UGT1A8: variants seen among roughly 807,000 people sequenced by gnomAD.
UGT1A8 encodes UDP glucuronosyltransferase family 1 member A8, also known as UDP-glucuronosyltransferase 1A8.
A neutral mutation model predicts 45.3 loss-of-function variants in UGT1A8; 39 were observed. The observed-to-expected ratio is 0.86, with a 90% CI of 0.67 to 1.12. UGT1A8 has a LOEUF of 1.12. Among genes scored for constraint, UGT1A8 ranks in the 50% most tolerant of loss-of-function variants. UGT1A8 has a pLI of 0.00. For missense variants in UGT1A8, 719 were observed against 664.9 expected, an observed-to-expected ratio of 1.08 and a Z score of -0.90; for synonymous variants, 275 against 249.2, an observed-to-expected ratio of 1.10 and a Z score of -0.97.
Position 233,713,840 on chromosome 2 carries a change from C to T in UGT1A8, c.856-53194C>T, listed in dbSNP as rs149208140. The T allele has an allele frequency of 4.2e-3, 6,793 of 1,614,012 alleles. 23 individuals carry two copies. Among genetic ancestry groups the T allele is most frequent in the Non-Finnish European group, 5.2e-3 (6,094 of 1,179,958 alleles). On this transcript the variant is annotated intron_variant, in intron 1 of 4. Transcript: ENST00000373450. ...TCATTGGGGGCATCAACTGTGCCAA[C>T]GGGAAGCCACTATCTCAGGTCTGTA...
intron 1 of UGT1A8, among the ~76,000 whole-genome samples, chr2:233,695,274 T>A (rs1346738966): frequency 6.6e-6 from 1 of 152,090 alleles, no homozygotes; most frequent in South Asian, 2.1e-4. Flanking sequence ...TATAGGCATG[T>A]GCCACCATTC....
At chr2:233,715,879 C>T (rs1410006129) in intron 1 of UGT1A8, among the ~76,000 whole-genome samples, 3 of 152,094 alleles carry the variant, frequency 2.0e-5, no homozygotes, top group African/African-American at 7.2e-5. Context: ...GTGCCTGTGG[C>T]CCCAGCTACT....
chr2:233,709,929 A>G (rs1249003261), intron 1 of UGT1A8, among the ~76,000 whole-genome samples: 1 of 152,134 alleles, frequency 6.6e-6, no homozygotes, highest in Non-Finnish European at 1.5e-5. Context: ...ACCTTAGGCA[A>G]CCCTGGATGG....
rs566107268 is a variant in UGT1A8, at chr2:233,719,129, AG to A, written c.856-47904del. 2.1e-4 allele frequency: 332 copies of A among 1,614,276 alleles called. No individual in the cohort carries two copies. The Middle Eastern group carries it at 2.1e-3, about 10-fold the overall frequency. On this transcript the variant is annotated intron_variant, in intron 1 of 4. Coordinates refer to ENST00000373450, the MANE Select transcript of UGT1A8 (RefSeq NM_019076.5). ...GCTACACTCAAGGGTTCTTTGAAAC[AG>A]AACATCTTCTGAAGAGATATTCTAG... is the stretch of plus-strand genomic sequence containing the variant.
At chr2:233,721,723 T>A (rs570482911) in intron 1 of UGT1A8, 28 of 397,856 alleles carry the variant, frequency 7.0e-5, no homozygotes, top group Non-Finnish European at 1.0e-5. Flanking sequence ...TTTGTTTACT[T>A]GGATAAGCTT....
chr2:233,742,230 A>T (rs1158826164), intron 1 of UGT1A8, among the ~76,000 whole-genome samples: 2 of 151,434 alleles, frequency 1.3e-5, no homozygotes, highest in African/African-American at 2.4e-5. Flanking sequence ...GAGAGCCCCA[A>T]ACAGAGATTT....
intron 1 of UGT1A8, among the ~76,000 whole-genome samples, chr2:233,640,830 T>C (rs760029190): frequency 3.3e-5 from 5 of 152,056 alleles, no homozygotes; most frequent in Non-Finnish European, 7.4e-5. Context: ...ATGCCAAAGA[T>C]TTGTCATTGT....
rs553715691 is a variant in UGT1A8, at chr2:233,649,024, A to G, written c.855+30462A>G. The G allele has an allele frequency of 2.7e-5, 34 of 1,257,040 alleles. 1 individual carries two copies. In the Admixed American group the frequency reaches 3.1e-4, roughly 11 times the overall value. 77.9% of individuals were successfully genotyped at this position (1,257,040 alleles called of 1,614,324 possible). A position where few individuals can be genotyped will look rare whatever the true frequency, so the allele number is the denominator to read the frequency against. ...CTGCAATCAGGGAAAGCCAGTGCCT[A>G]TGGTAAGTCATTGCTCCTTTAGCAC... On this transcript the variant is annotated intron_variant, in intron 1 of 4. Transcript: ENST00000373450.
chr2:233,676,702 C>T (rs748281452), intron 1 of UGT1A8, among the ~76,000 whole-genome samples: 2 of 152,142 alleles, frequency 1.3e-5, no homozygotes, highest in African/African-American at 2.4e-5. Flanking sequence ...GAATGTTCCT[C>T]TAGAATGTCA....
At chr2:233,710,968 G>A (rs1190110979) in intron 1 of UGT1A8, among the ~76,000 whole-genome samples, 1 of 152,154 alleles carries the variant, frequency 6.6e-6, no homozygotes, top group African/African-American at 2.4e-5. Flanking sequence ...TTGGCAGAGG[G>A]GAATATACAA....
At chr2:233,748,875 A>T (rs1329303581) in intron 1 of UGT1A8, among the ~76,000 whole-genome samples, 1 of 151,636 alleles carries the variant, frequency 6.6e-6, no homozygotes, top group Non-Finnish European at 1.5e-5. Flanking sequence ...GGGGACGGTG[A>T]TGAATGGACA....
chr2:233,712,254 C>T (rs1465603390), intron 1 of UGT1A8, among the ~76,000 whole-genome samples: 2 of 152,330 alleles, frequency 1.3e-5, no homozygotes, highest in Admixed American at 1.3e-4. Flanking sequence ...GGTTGTCTTG[C>T]ACATGTGTGC....
At chr2:233,729,801 T>C (rs1335994294) in intron 1 of UGT1A8, 3 of 1,613,964 alleles carry the variant, frequency 1.9e-6, no homozygotes, top group Non-Finnish European at 1.7e-6. Context: ...ACATTTGCCA[T>C]GCTTTTTCTG....
At chr2:233,630,415 G>C (rs567809235) in intron 1 of UGT1A8, among the ~76,000 whole-genome samples, 18 of 152,108 alleles carry the variant, frequency 1.2e-4, no homozygotes, top group Non-Finnish European at 2.5e-4. Flanking sequence ...ATCCATGAAG[G>C]TATCAAGAAA....
Position 233,719,442 on chromosome 2 carries a change from C to A in UGT1A8, c.856-47592C>A, listed in dbSNP as rs1309137091. Reference sequence around the variant, plus strand: ...GACCAATTCAGACCACATGACATTCCTGCAAAGGGTCAAGAACATGCTCTA... The same window carrying A: ...GACCAATTCAGACCACATGACATTCATGCAAAGGGTCAAGAACATGCTCTA... On this transcript the variant is annotated intron_variant, in intron 1 of 4. Coordinates refer to ENST00000373450, the MANE Select transcript of UGT1A8 (RefSeq NM_019076.5). The A allele has an allele frequency of 1.5e-5, 25 of 1,613,838 alleles. No individual in the cohort carries two copies. The East Asian group carries it at 1.6e-4, about 10-fold the overall frequency.
chr2:233,620,876 A>G (rs1038942348), intron 1 of UGT1A8, among the ~76,000 whole-genome samples: 1 of 152,208 alleles, frequency 6.6e-6, no homozygotes, highest in Admixed American at 6.5e-5. Context: ...AGTTGGTTAC[A>G]TCTTGCTGGG....
At chr2:233,695,151 G>C (rs1363691382) in intron 1 of UGT1A8, among the ~76,000 whole-genome samples, 1 of 74,088 alleles carries the variant, frequency 1.3e-5, no homozygotes, top group Non-Finnish European at 2.9e-5. Flanking sequence ...TTTTGAGACA[G>C]AGTCTCACTC....
At chr2:233,627,708 T>C (rs1318127912) in intron 1 of UGT1A8, among the ~76,000 whole-genome samples, 1 of 149,816 alleles carries the variant, frequency 6.7e-6, no homozygotes, top group South Asian at 2.1e-4. Flanking sequence ...CACTGGTCCT[T>C]ATCTAGCTTC....
intron 1 of UGT1A8, chr2:233,753,090 C>T (rs1182840596): frequency 2.0e-5 from 3 of 152,216 alleles, no homozygotes; most frequent in Non-Finnish European, 4.4e-5. Flanking sequence ...TATTCCTGAA[C>T]GGCTCCATAA....
Sources: allele counts gnomAD v4.1 joint callset (sites outside exome capture counted in the v4.1 genomes callset), GRCh38; gene constraint gnomAD v4.1.1; transcripts MANE v1.5; gene names NCBI Gene and HGNC (gene_info 2026-07-23, HGNC 2026-07-21).